WEE2: variants seen among roughly 807,000 people sequenced by gnomAD.
WEE2 encodes the protein WEE2 oocyte meiosis inhibiting kinase, also known as wee1-like protein kinase 2.
A neutral mutation model predicts 60.1 loss-of-function variants in WEE2; 50 were observed. That is an observed-to-expected ratio of 0.83 (90% confidence interval 0.66 to 1.05). The LOEUF is 1.05. Among genes scored for constraint, WEE2 ranks in the 50% least tolerant of loss-of-function variants. The pLI is 0.00. For missense variants in WEE2, 631 were observed against 684.3 expected, an observed-to-expected ratio of 0.92 and a Z score of 0.87; for synonymous variants, 240 against 241.0, an observed-to-expected ratio of 1.00 and a Z score of 0.04.
chr7:141,727,092 ACAAAT>A, intron 9 of WEE2: 1 of 476,576 alleles, frequency 2.1e-6, no homozygotes, highest in Non-Finnish European at 3.7e-6. Flanking sequence ...ATGATTAAAA[ACAAAT>A]CAAAGGTGTG....
chr7:141,716,166 T>A, intron 2 of WEE2, 56 bp from the exon 3 acceptor site: 2 of 1,434,852 alleles, frequency 1.4e-6, no homozygotes, highest in Non-Finnish European at 1.9e-6. Context: ...CCTAGCATAG[T>A]TCGGCCTCAA....
chr7:141,713,453 C>T (rs1798741048), intron 1 of WEE2, among the ~76,000 whole-genome samples: 1 of 152,108 alleles, frequency 6.6e-6, no homozygotes, highest in Non-Finnish European at 1.5e-5. Flanking sequence ...TAGGTTTAGG[C>T]TGATGTTCTC....
rs1182468619 is a variant in WEE2, at chr7:141,723,417, T to TA, written c.1027+145dup. The TA allele has an allele frequency of 1.9e-4, 189 of 996,856 alleles. 1 individual carries two copies. Among genetic ancestry groups the TA allele is most frequent in the Non-Finnish European group, 2.3e-4 (161 of 687,062 alleles). 61.8% of individuals were successfully genotyped at this position (996,856 alleles called of 1,614,324 possible). A position where few individuals can be genotyped will look rare whatever the true frequency, so the allele number is the denominator to read the frequency against. On this transcript the variant is annotated intron_variant, in intron 6 of 11. Coordinates refer to ENST00000397541, the MANE Select transcript of WEE2 (RefSeq NM_001105558.1). ...ACCCCTTTCTTCCATTTGTGTTCCT[T>TA]AAAAAAAATCAGTTAAATAGTTTTA...
At position 141,723,256 on chromosome 7, in the gene WEE2, A is replaced by C. The variant is rs375881242; in HGVS notation, c.1003A>C (p.Met335Leu). The stretch of plus-strand genomic sequence containing the variant: ...CCTTAATTACATCCACAACTCTAGC[A>C]TGGTACACCTGGACATCAAACCTAG... ...LGLNYIHNSS[M>L]VHLDIKPSNI... The change falls in exon 6 of 12, where the codon ATG becomes CTG. Residue 335 changes from methionine (M) to leucine (L), a missense_variant. Coordinates refer to ENST00000397541, the MANE Select transcript of WEE2 (RefSeq NM_001105558.1). The C allele has an allele frequency of 3.7e-6, 6 of 1,614,040 alleles. No homozygotes were observed. The highest frequency in any genetic ancestry group is 4.2e-6 in the Non-Finnish European group (5 of 1,180,000).
chr7:141,729,528 C>G lies in WEE2; in HGVS notation c.1536-3C>G, dbSNP rs1356442899. The G allele has an allele frequency of 1.2e-6, 2 of 1,614,184 alleles. No homozygotes were observed. Among genetic ancestry groups the G allele is most frequent in the South Asian group, 2.2e-5 (2 of 91,090 alleles). On this transcript the variant is annotated splice_region_variant and splice_polypyrimidine_tract_variant and intron_variant, in intron 10 of 11. Coordinates refer to ENST00000397541, the MANE Select transcript of WEE2 (RefSeq NM_001105558.1). The stretch of plus-strand genomic sequence containing the variant: ...CCTTTGCTTTTTCTCCCTCGCACTT[C>G]AGGGAACTGAGAGAAGCCCAGCAGG...
intron 1 of WEE2, among the ~76,000 whole-genome samples, chr7:141,709,864 T>C (rs1798684697): frequency 6.6e-6 from 1 of 152,194 alleles, no homozygotes; most frequent in Non-Finnish European, 1.5e-5. Context: ...GGGTTGCCTC[T>C]AATCAACTCT....
Position 141,730,346 on chromosome 7 carries a change from G to GT in WEE2, c.*29dup. The GT allele has an allele frequency of 6.2e-7, 1 of 1,611,514 alleles. No individual in the cohort carries two copies. The highest frequency in any genetic ancestry group is 8.5e-7 in the Non-Finnish European group (1 of 1,178,436). The stretch of plus-strand genomic sequence containing the variant: ...AGGAAGAAAAGGAAAACAGCCCTTG[G>GT]TTTGGCCTATGGATTACGAGGTTGC... On this transcript the variant is annotated 3_prime_UTR_variant, in exon 12 of 12. Transcript: ENST00000397541.
rs111381942 is a variant in WEE2 at position 141,729,420 on chromosome 7, C to T, written c.1536-111C>T. On this transcript the variant is annotated intron_variant, in intron 10 of 11. Coordinates refer to ENST00000397541, the MANE Select transcript of WEE2 (RefSeq NM_001105558.1). ...TATTCTGTACATAGCTCAGGCTTTT[C>T]GTTTCTGTAAATACTGAAACAAGAA... 3.1e-3 allele frequency: 4,372 copies of T among 1,420,940 alleles called. 117 individuals are homozygous for T. The African/African-American group carries it at 0.07, about 23-fold the overall frequency. The allele number at this position is 1,420,940 out of a possible 1,614,324, so 88.0% of individuals were successfully genotyped here.
chr7:141,723,314 A>G (rs1798952611), intron 6 of WEE2, 34 bp downstream of exon 6: 1 of 1,605,454 alleles, frequency 6.2e-7, no homozygotes, highest in Non-Finnish European at 8.5e-7. Flanking sequence ...CTTCTACCGT[A>G]TTTTGTTCTT....
In WEE2 at chr7:141,725,195, A is replaced by G; in HGVS notation, c.1391A>G (p.Lys464Arg). ...TCAGAAAGCTTTTCCAGTCTGCTCA[A>G]GGTGATAGCTCTTACGAGATGAACA... ...ELSESFSSLLKNMIQPDAEQR... is the reference protein window; with the variant it reads ...ELSESFSSLLRNMIQPDAEQR... The change falls in exon 9 of 12, where the codon AAG (lysine) becomes AGG (arginine). Residue 464 changes from lysine to arginine, a missense_variant and splice_region_variant. By Grantham distance (26) the Lys-to-Arg change is conservative. Coordinates refer to ENST00000397541, the MANE Select transcript of WEE2 (RefSeq NM_001105558.1). The G allele has an allele frequency of 5.0e-6, 8 of 1,613,412 alleles. No individual in the cohort carries two copies. The highest frequency in any genetic ancestry group is 6.8e-6 in the Non-Finnish European group (8 of 1,179,698).
intron 11 of WEE2, 106 bp downstream of exon 11, chr7:141,729,779 G>A: frequency 7.5e-7 from 1 of 1,329,300 alleles, no homozygotes; most frequent in Non-Finnish European, 1.0e-6. Flanking sequence ...ATGAGGTCAG[G>A]AGATCGAAAC....
chr7:141,720,784 T>G lies in WEE2; in HGVS notation c.759-151T>G, dbSNP rs1798894879. ...TCCACTGTATATTACCAAATGATTATTAAGATTCAATGAGATAAAATAGTA... is the reference window on the plus strand; with the variant it reads ...TCCACTGTATATTACCAAATGATTAGTAAGATTCAATGAGATAAAATAGTA... On this transcript the variant is annotated intron_variant, in intron 4 of 11. Transcript: ENST00000397541. 6.7e-6 allele frequency: 6 copies of G among 901,420 alleles called. No homozygotes were observed. The South Asian group carries it at 7.0e-5, about 10-fold the overall frequency. The allele number at this position is 901,420 out of a possible 1,614,324, so 55.8% of individuals were successfully genotyped here.
Position 141,729,743 on chromosome 7 carries a change from C to A in WEE2, c.1678+70C>A, listed in dbSNP as rs532740250. ...GTGGCTCACGCCTGTAATCCCAACA[C>A]TTTGGGAGGCCAAGGCAGGTGGATC... On this transcript the variant is annotated intron_variant, in intron 11 of 11. Coordinates refer to ENST00000397541, the MANE Select transcript of WEE2 (RefSeq NM_001105558.1). 2.1e-5 allele frequency: 32 copies of A among 1,518,872 alleles called. No individual in the cohort carries two copies. In the South Asian group the frequency reaches 3.7e-4, roughly 18 times the overall value. 94.1% of individuals were successfully genotyped at this position (1,518,872 alleles called of 1,614,324 possible).
At chr7:141,713,641 T>G (rs569473754) in intron 1 of WEE2, among the ~76,000 whole-genome samples, 135 of 152,312 alleles carry the variant, frequency 8.9e-4, no homozygotes, top group African/African-American at 2.9e-3. Context: ...ATTAAAAACT[T>G]TTTTCATGTT....
At chr7:141,714,737 T>C (rs1798768784) in intron 2 of WEE2, among the ~76,000 whole-genome samples, 1 of 152,196 alleles carries the variant, frequency 6.6e-6, no homozygotes, top group African/African-American at 2.4e-5. Context: ...GGCTGGCAGT[T>C]GGGGAACGTG....
chr7:141,716,313 T>C, intron 3 of WEE2, 46 bp downstream of exon 3: 2 of 1,562,778 alleles, frequency 1.3e-6, no homozygotes, highest in Non-Finnish European at 1.8e-6. Flanking sequence ...AGGCAGTTTA[T>C]CCTATTCTTT....
At chr7:141,714,912 T>C (rs151313013) in intron 2 of WEE2, among the ~76,000 whole-genome samples, 49 of 152,334 alleles carry the variant, frequency 3.2e-4, no homozygotes, top group South Asian at 6.2e-4. Flanking sequence ...AACTGTACTA[T>C]TCCATAAAGG....
chr7:141,720,947 G>T lies in WEE2; in HGVS notation c.771G>T (p.Leu257Phe). ...TTCTGTCTCATAGGAATTCGGCTTT[G>T]CATGAAGTTTATGCTCACGCAGTGC... is the stretch of plus-strand genomic sequence containing the variant. ...FTELSNENSA[L>F]HEVYAHAVLG... The change falls in exon 5 of 12, where the codon TTG (leucine) becomes TTT (phenylalanine). Residue 257 changes from leucine to phenylalanine, a missense_variant. Coordinates refer to ENST00000397541, the MANE Select transcript of WEE2 (RefSeq NM_001105558.1). 1 of 1,612,580 alleles carries T rather than the reference G, an allele frequency of 6.2e-7. No individual in the cohort carries two copies. The highest frequency in any genetic ancestry group is 1.7e-4 in the Middle Eastern group (1 of 6,058).
Position 141,709,011 on chromosome 7 carries a change from G to A in WEE2, c.253G>A (p.Val85Met). 1 of 1,614,160 alleles carries A rather than the reference G, an allele frequency of 6.2e-7. No individual in the cohort carries two copies. The highest frequency in any genetic ancestry group is 1.1e-5 in the South Asian group (1 of 91,088). Residue 85 changes from valine (V) to methionine (M), a missense_variant, in exon 1 of 12, where the codon GTG becomes ATG. Physicochemically the swap from Val to Met is conservative, Grantham distance 21. Coordinates refer to ENST00000397541, the MANE Select transcript of WEE2 (RefSeq NM_001105558.1). ...ESPDQILRTP[V>M]SHPLKCPETP... ...TCCAGATCAGATTTTGAGGACTCCA[G>A]TGTCACACCCTCTCAAATGTCCTGA...
Sources: allele counts gnomAD v4.1 joint callset (sites outside exome capture counted in the v4.1 genomes callset), GRCh38; gene constraint gnomAD v4.1.1; transcripts MANE v1.5; gene names NCBI Gene and HGNC (gene_info 2026-07-23, HGNC 2026-07-21).